Variants in NRXN1 observed in about 807,000 individuals in gnomAD.
NRXN1 encodes the protein neurexin 1.
In NRXN1, 39 loss-of-function variants were observed where a neutral mutation model predicts 150.9. The ratio of observed to expected loss-of-function variants is 0.26; its 90% CI spans 0.20 to 0.34. The LOEUF (loss-of-function observed/expected upper bound fraction) is 0.34. Ranked by LOEUF, NRXN1 falls within the 10% of genes least tolerant of loss-of-function variation. The pLI, the probability that NRXN1 is intolerant of heterozygous loss-of-function variation, is 1.00. For synonymous variants in NRXN1, 924 were observed against 757.0 expected (o/e 1.22, Z -3.62); for missense variants, 1,815 against 1,949.9 (o/e 0.93, Z 1.30).
intron 18 of NRXN1, among the ~76,000 whole-genome samples, chr2:50,137,933 C>T (rs770270518): frequency 2.6e-5 from 4 of 152,136 alleles, no homozygotes; most frequent in Non-Finnish European, 4.4e-5. Context: ...TCTCCTTTGA[C>T]GGAAAATGAG....
intron 5 of NRXN1, among the ~76,000 whole-genome samples, chr2:50,668,634 C>A (rs1303894234): frequency 6.6e-6 from 1 of 152,020 alleles, no homozygotes; most frequent in Non-Finnish European, 1.5e-5. Context: ...CAGCGGCAAA[C>A]AGTCTCCTCA....
chr2:50,606,632 A>ATAATAATAATAATAAT (rs1553875310), intron 8 of NRXN1, among the ~76,000 whole-genome samples: 1 of 145,330 alleles, frequency 6.9e-6, no homozygotes, highest in African/African-American at 2.5e-5. Context: ...AATAATAATA[A>ATAATAATAATAATAAT]AATAAAACTT....
chr2:50,874,370 C>A (rs1218334310), intron 5 of NRXN1, among the ~76,000 whole-genome samples: 2 of 151,768 alleles, frequency 1.3e-5, no homozygotes, highest in East Asian at 3.9e-4. Flanking sequence ...ATCCTGACAA[C>A]CACACTGTTT....
chr2:50,162,665 A>G (rs1437650018), intron 18 of NRXN1, among the ~76,000 whole-genome samples: 1 of 152,154 alleles, frequency 6.6e-6, no homozygotes, highest in East Asian at 1.9e-4. Flanking sequence ...AATGGAATAT[A>G]GACATTTTGT....
At chr2:50,701,156 A>G (rs916605620) in intron 5 of NRXN1, among the ~76,000 whole-genome samples, 6 of 152,106 alleles carry the variant, frequency 3.9e-5, no homozygotes, top group Non-Finnish European at 8.8e-5. Flanking sequence ...TGTCTATTAC[A>G]TTTTTGAACA....
intron 17 of NRXN1, among the ~76,000 whole-genome samples, chr2:50,291,142 A>AG (rs1363870906): frequency 6.6e-6 from 1 of 151,564 alleles, no homozygotes; most frequent in African/African-American, 2.4e-5. Flanking sequence ...GTTGAAAAAA[A>AG]AAAAAGGCTC....
intron 17 of NRXN1, among the ~76,000 whole-genome samples, chr2:50,388,864 TAA>T (rs200719965): frequency 1.4e-5 from 2 of 147,732 alleles, no homozygotes; most frequent in East Asian, 2.0e-4. Flanking sequence ...AACAGCAAAG[TAA>T]AAAAAAAAAT....
intron 5 of NRXN1, chr2:50,656,541 T>G: frequency 3.4e-6 from 2 of 581,044 alleles, no homozygotes; most frequent in Non-Finnish European, 6.3e-6. Flanking sequence ...TAAATAATAT[T>G]TATTTTGTAT....
chr2:50,694,874 A>C (rs973365834), intron 5 of NRXN1, among the ~76,000 whole-genome samples: 5 of 152,184 alleles, frequency 3.3e-5, no homozygotes, highest in African/African-American at 1.2e-4. Flanking sequence ...ATAAAAAATT[A>C]ATTGCGGGGT....
intron 5 of NRXN1, among the ~76,000 whole-genome samples, chr2:50,679,724 C>T (rs1201828469): frequency 6.6e-6 from 1 of 152,066 alleles, no homozygotes; most frequent in Non-Finnish European, 1.5e-5. Flanking sequence ...ATGCACTTTA[C>T]AAAGTATAAG....
chr2:50,182,649 TCC>T, intron 18 of NRXN1, among the ~76,000 whole-genome samples: 1 of 152,186 alleles, frequency 6.6e-6, no homozygotes, highest in Admixed American at 6.6e-5. Flanking sequence ...ACCTGCTCAT[TCC>T]TTCTTCGAGC....
chr2:50,861,944 G>A (rs2106035719), intron 5 of NRXN1, among the ~76,000 whole-genome samples: 1 of 152,104 alleles, frequency 6.6e-6, no homozygotes, highest in Non-Finnish European at 1.5e-5. Context: ...GCTCACACCT[G>A]TAATCCCAGC....
chr2:50,784,949 C>T (rs968803844), intron 5 of NRXN1, among the ~76,000 whole-genome samples: 26 of 152,210 alleles, frequency 1.7e-4, no homozygotes, highest in African/African-American at 6.3e-4. Flanking sequence ...CCAAAACTCA[C>T]TTATTGAAGC....
chr2:50,333,692 T>G (rs1159759470), intron 17 of NRXN1, among the ~76,000 whole-genome samples: 1 of 151,874 alleles, frequency 6.6e-6, no homozygotes, highest in Non-Finnish European at 1.5e-5. Context: ...AGAATGGATT[T>G]GACGGCCTCT....
chr2:50,287,035 T>C (rs1025049730), intron 17 of NRXN1, among the ~76,000 whole-genome samples: 5 of 152,114 alleles, frequency 3.3e-5, no homozygotes, highest in African/African-American at 7.2e-5. Context: ...TAATTTTTAA[T>C]ATTGTAAACA....
chr2:51,030,816 T>G (rs1037315069), intron 1 of NRXN1, among the ~76,000 whole-genome samples: 4 of 152,060 alleles, frequency 2.6e-5, no homozygotes, highest in African/African-American at 9.7e-5. Context: ...GCAAAATAAA[T>G]CTGGAATATC....
intron 2 of NRXN1, among the ~76,000 whole-genome samples, chr2:50,956,851 T>A (rs1195756687): frequency 6.6e-6 from 1 of 152,100 alleles, no homozygotes; most frequent in Admixed American, 6.6e-5. Flanking sequence ...ACAAACTCAA[T>A]GAGGAGGTAA....
At position 50,089,069 on chromosome 2, in the gene NRXN1, A is replaced by G. The variant is rs917579262; in HGVS notation, c.3718+2254T>C. On this transcript the variant is annotated intron_variant, in intron 19 of 22. Transcript: ENST00000401669. ...TACATTATGCATATTAATAAAGTCC[A>G]AGTATAGATATTTTAACTTAGCTTA... 1.2e-4 allele frequency among the ~76,000 whole-genome samples: 18 copies of G among 152,224 alleles called. 1 individual carries two copies. Among genetic ancestry groups the G allele is most frequent in the Non-Finnish European group, 2.9e-5 (2 of 68,026 alleles).
Position 50,551,011 on chromosome 2 carries a change from GGAGGAAGAGGAA to G in NRXN1, c.1759+1564_1759+1575del, listed in dbSNP as rs1172928653. Among the ~76,000 whole-genome samples the G allele has an allele frequency of 2.4e-3, 282 of 119,210 alleles. 3 individuals carry two copies. Among genetic ancestry groups the G allele is most frequent in the Non-Finnish European group, 3.6e-3 (207 of 56,734 alleles). The allele number at this position is 119,210 out of a possible 152,430, so 78.2% of individuals were successfully genotyped here. A position where few individuals can be genotyped will look rare whatever the true frequency, so the allele number is the denominator to read the frequency against. On this transcript the variant is annotated intron_variant, in intron 9 of 22. Coordinates refer to ENST00000401669, the MANE Select transcript of NRXN1 (RefSeq NM_001330078.2). ...TCAGCTTAAATCAGAAAGAAGAGGA[GGAGGAAGAGGAA>G]GAGGAAGAGGAAGAGGAAGAGGAAG...
Sources: gnomAD v4.1 joint callset for allele counts (sites outside exome capture counted in the v4.1 genomes callset) on GRCh38, gnomAD v4.1.1 for gene constraint, MANE v1.5 for transcripts, NCBI Gene and HGNC (gene_info 2026-07-23, HGNC 2026-07-21) for gene names.